The following HOXD3 variants were observed in gnomAD, a reference collection of about 807,000 sequenced individuals.
HOXD3 encodes homeobox protein Hox-D3.
In HOXD3, 13 loss-of-function variants were observed where a neutral mutation model predicts 32.8. The observed-to-expected ratio is 0.40, with a 90% CI of 0.26 to 0.63. The LOEUF (loss-of-function observed/expected upper bound fraction) is 0.63. Among genes scored for constraint, HOXD3 ranks in the 20% least tolerant of loss-of-function variants. The pLI, the probability that HOXD3 is intolerant of heterozygous loss-of-function variation, is 0.44. For missense variants in HOXD3, 504 were observed against 577.1 expected (o/e 0.87, Z 1.30); for synonymous variants, 241 against 246.8 (o/e 0.98, Z 0.22).
At position 176,161,366 on chromosome 2, in the gene HOXD3, A is replaced by T. The variant is rs370270903; in HGVS notation, c.-180-2707A>T. ...CGGCAGCATTGGGGGTGGTAGTAGC[A>T]GTTTAAGGAGGGGATCTGGTGAGGG... On this transcript the variant is annotated intron_variant, in intron 1 of 3. Coordinates refer to ENST00000683222, the MANE Select transcript of HOXD3 (RefSeq NM_006898.5). Among the ~76,000 whole-genome samples the T allele has an allele frequency of 1.9e-3, 288 of 152,278 alleles. 1 individual carries two copies. The highest frequency in any genetic ancestry group is 6.5e-3 in the African/African-American group (269 of 41,558).
intron 1 of HOXD3, among the ~76,000 whole-genome samples, chr2:176,163,552 G>C (rs1399512440): frequency 6.6e-6 from 1 of 152,128 alleles, no homozygotes; most frequent in Non-Finnish European, 1.5e-5. Flanking sequence ...TATAAATCAG[G>C]AACTAGCGCC....
At chr2:176,158,653 C>T (rs1182908842) in intron 1 of HOXD3, among the ~76,000 whole-genome samples, 1 of 152,150 alleles carries the variant, frequency 6.6e-6, no homozygotes, top group African/African-American at 2.4e-5. Flanking sequence ...AGGACAGAAA[C>T]AAAGTTTCCC....
Position 176,172,026 on chromosome 2 carries a change from T to C in HOXD3, c.1051T>C (p.Leu351=), listed in dbSNP as rs1051929. 0.71 allele frequency: 1,147,638 copies of C among 1,606,736 alleles called. 413,882 individuals are homozygous for C. The highest frequency in any genetic ancestry group is 0.9 in the African/African-American group (67,345 of 75,016). The change falls in exon 4 of 4, where the codon TTG becomes CTG. Residue 351 remains leucine (L), a synonymous_variant. Transcript: ENST00000683222. ...SNGGGFASAN[L]QGSPVYVGGN... ...CGGCGGCGGCTTCGCCAGCGCCAAC[T>C]TGCAGGGCAGCCCGGTGTACGTGGG...
At chr2:176,166,875 G>C (rs1690986418) in intron 2 of HOXD3, among the ~76,000 whole-genome samples, 1 of 152,154 alleles carries the variant, frequency 6.6e-6, no homozygotes, top group Non-Finnish European at 1.5e-5. Flanking sequence ...TGCAGGTGGA[G>C]GGAAAACTAG....
Position 176,171,633 on chromosome 2 carries a change from T to C in HOXD3, c.658T>C (p.Cys220Arg). ...EKEFHFNRYLCRPRRVEMANL... is the reference protein window; with the variant it reads ...EKEFHFNRYLRRPRRVEMANL... The stretch of plus-strand genomic sequence containing the variant: ...GGAATTCCACTTCAACCGCTACTTG[T>C]GCCGGCCGCGCCGCGTGGAGATGGC... The change falls in exon 4 of 4, where the codon TGC becomes CGC. Residue 220 changes from cysteine (C) to arginine (R), a missense_variant. Transcript: ENST00000683222. 6.2e-7 allele frequency: 1 copy of C among 1,614,216 alleles called. No individual in the cohort carries two copies. The highest frequency in any genetic ancestry group is 8.5e-7 in the Non-Finnish European group (1 of 1,180,044).
upstream of HOXD3, chr2:176,153,129 GATGGGA>G: frequency 2.9e-6 from 1 of 350,780 alleles, no homozygotes; most frequent in Non-Finnish European, 5.6e-6. Context: ...GCGGGATGGG[GATGGGA>G]GGGGGGGCGG....
intron 2 of HOXD3, among the ~76,000 whole-genome samples, chr2:176,168,412 T>TA (rs1181742394): frequency 6.6e-6 from 1 of 151,706 alleles, no homozygotes; most frequent in Non-Finnish European, 1.5e-5. Flanking sequence ...ACTAAAAATA[T>TA]AAAAAATTAG....
At chr2:176,168,588 C>CAG (rs1691066359) in intron 2 of HOXD3, among the ~76,000 whole-genome samples, 1 of 68,346 alleles carries the variant, frequency 1.5e-5, no homozygotes, top group African/African-American at 8.7e-5. Flanking sequence ...AAACAAAACA[C>CAG]TAAGACATGT....
At chr2:176,160,194 G>T (rs1026773773) in intron 1 of HOXD3, among the ~76,000 whole-genome samples, 2 of 152,186 alleles carry the variant, frequency 1.3e-5, no homozygotes, top group Non-Finnish European at 2.9e-5. Context: ...CGCCTTGCCG[G>T]GGTGCATGAG....
chr2:176,160,027 T>A (rs1329318024), intron 1 of HOXD3, among the ~76,000 whole-genome samples: 9 of 152,216 alleles, frequency 5.9e-5, no homozygotes, highest in Non-Finnish European at 1.3e-4. Flanking sequence ...TGGCGGTGAC[T>A]CGGCTGCTGA....
At chr2:176,168,847 C>T (rs570877161) in intron 2 of HOXD3, among the ~76,000 whole-genome samples, 184 bp from the exon 3 acceptor site, 44 of 152,322 alleles carry the variant, frequency 2.9e-4, no homozygotes, top group Non-Finnish European at 5.0e-4. Context: ...GCACTCCAGC[C>T]TGGGCAACAA....
At position 176,172,419 on chromosome 2, in the gene HOXD3, C is replaced by T. The variant is rs1340129718; in HGVS notation, c.*145C>T. 1 of 794,178 alleles carries T rather than the reference C, an allele frequency of 1.3e-6. No homozygotes were observed. The highest frequency in any genetic ancestry group is 1.9e-6 in the Non-Finnish European group (1 of 520,656). The allele number at this position is 794,178 out of a possible 1,614,324, so 49.2% of individuals were successfully genotyped here. ...CTCCCGGGTCTCAGGCCTCCAGCGG[C>T]GGAGGCGCAGGCGACCGGGCCTCCC... On this transcript the variant is annotated 3_prime_UTR_variant, in exon 4 of 4. Transcript: ENST00000683222.
chr2:176,160,130 G>C (rs940890106), intron 1 of HOXD3, among the ~76,000 whole-genome samples: 1 of 152,278 alleles, frequency 6.6e-6, no homozygotes, highest in Non-Finnish European at 1.5e-5. Context: ...CTTTGGGCCG[G>C]AGCGGGTCCT....
Position 176,171,199 on chromosome 2 carries a change from T to A in HOXD3, c.542-318T>A, listed in dbSNP as rs958999730. On this transcript the variant is annotated intron_variant, in intron 3 of 3. Coordinates refer to ENST00000683222, the MANE Select transcript of HOXD3 (RefSeq NM_006898.5). ...GGCCTTACCAGCTGCTCCTGGTCTC[T>A]CATTAAACTCTTTCATGGCCTTTGG... Among the ~76,000 whole-genome samples the A allele has an allele frequency of 3.6e-4, 55 of 152,170 alleles. 1 individual carries two copies. Among genetic ancestry groups the A allele is most frequent in the Non-Finnish European group, 1.0e-4 (7 of 68,032 alleles).
At chr2:176,152,906 G>T, upstream of HOXD3, 1 of 1,614,178 alleles carries the variant, frequency 6.2e-7, no homozygotes, top group South Asian at 1.1e-5. The surrounding 1 kb of genome is among the most constrained non-coding windows in gnomAD (Gnocchi z 5.2). Flanking sequence ...TACAGCCGAT[G>T]GCCAAAGACC....
intron 2 of HOXD3, among the ~76,000 whole-genome samples, chr2:176,168,680 A>G (rs1691069703): frequency 6.6e-6 from 1 of 152,198 alleles, no homozygotes; most frequent in African/African-American, 2.4e-5. Context: ...AATACTGCAG[A>G]ATAGCTGGGA....
At chr2:176,154,697 T>C (rs1169010332), upstream of HOXD3, among the ~76,000 whole-genome samples, 1 of 152,250 alleles carries the variant, frequency 6.6e-6, no homozygotes, top group Non-Finnish European at 1.5e-5. Flanking sequence ...TCCGCTTCTC[T>C]GAAGTGTCTT....
chr2:176,163,006 A>G (rs1448682778), intron 1 of HOXD3, among the ~76,000 whole-genome samples: 1 of 152,112 alleles, frequency 6.6e-6, no homozygotes, highest in Non-Finnish European at 1.5e-5. Context: ...GTCCCGGCCC[A>G]GCCAAGAGCG....
intron 2 of HOXD3, among the ~76,000 whole-genome samples, chr2:176,166,502 A>G (rs1373324795): frequency 6.6e-6 from 1 of 152,252 alleles, no homozygotes; most frequent in Non-Finnish European, 1.5e-5. Flanking sequence ...AGCCTGAAAC[A>G]TAACCAAATC....
Sources: gnomAD v4.1 joint callset for allele counts (sites outside exome capture counted in the v4.1 genomes callset) on GRCh38, gnomAD v4.1.1 for gene constraint, Gnocchi (gnomAD v3.1) non-coding constraint, MANE v1.5 for transcripts, NCBI Gene and HGNC (gene_info 2026-07-23, HGNC 2026-07-21) for gene names.